Variants in GPR19 observed in about 807,000 individuals in gnomAD.
The protein encoded by GPR19 is G protein-coupled receptor 19.
A neutral mutation model predicts 28.5 loss-of-function variants in GPR19; 14 were observed. That is an observed-to-expected ratio of 0.49 (90% CI 0.32 to 0.77). The LOEUF (loss-of-function observed/expected upper bound fraction) is 0.77, where lower values mean the gene tolerates loss of function less well. GPR19 is among the 30% of genes least tolerant of loss of function. The pLI is 0.03. For synonymous variants in GPR19, 173 were observed against 184.1 expected, an observed-to-expected ratio of 0.94 and a Z score of 0.49; for missense variants, 409 against 504.1, an observed-to-expected ratio of 0.81 and a Z score of 1.81.
intron 1 of GPR19, 94 bp downstream of exon 1, chr12:12,695,971 C>A (rs1230713710): frequency 1.3e-5 from 2 of 152,256 alleles, no homozygotes; most frequent in Non-Finnish European, 2.9e-5. Context: ...TTAATCGGCT[C>A]TCCCGCTCCC....
intron 2 of GPR19, chr12:12,689,016 G>A (rs1422531389): frequency 6.6e-6 from 1 of 152,194 alleles, no homozygotes; most frequent in African/African-American, 2.4e-5. Context: ...GGCTGTACAG[G>A]AGGCATGGTG....
At chr12:12,703,533 A>G in the GPR19 span, 545 of 432,374 alleles carry the variant, frequency 1.3e-3, 1 homozygote, top group Non-Finnish European at 1.6e-3. Flanking sequence ...TCGCTCTAGC[A>G]CATAGTGATT....
At chr12:12,689,405 T>C (rs1946149798) in intron 2 of GPR19, among the ~76,000 whole-genome samples, 1 of 152,172 alleles carries the variant, frequency 6.6e-6, no homozygotes, top group Admixed American at 6.5e-5. Context: ...CTCTCATCAG[T>C]GCCACAAGGA....
At chr12:12,683,735 C>A (rs948141564) in intron 3 of GPR19, among the ~76,000 whole-genome samples, 4 of 152,238 alleles carry the variant, frequency 2.6e-5, no homozygotes, top group Non-Finnish European at 4.4e-5. Context: ...TTTGAGTTCA[C>A]GGCTGATTAT....
At chr12:12,717,139 G>A in the GPR19 span, 7 of 1,027,230 alleles carry the variant, frequency 6.8e-6, no homozygotes, top group East Asian at 4.4e-4. Context: ...TTTCTCCGAG[G>A]CCAGCCAGAG....
At chr12:12,672,442 C>G (rs762304788) in intron 3 of GPR19, among the ~76,000 whole-genome samples, 2 of 151,966 alleles carry the variant, frequency 1.3e-5, no homozygotes, top group Non-Finnish European at 2.9e-5. Flanking sequence ...GTAAAAAAAA[C>G]AAGTGCAAAA....
At chr12:12,686,841 A>C (rs1161027185) in intron 2 of GPR19, among the ~76,000 whole-genome samples, 1 of 152,246 alleles carries the variant, frequency 6.6e-6, no homozygotes, top group Non-Finnish European at 1.5e-5. Flanking sequence ...GACAAAAAAA[A>C]TGACCAACAT....
chr12:12,716,930 C>T, the GPR19 span: 2 of 985,050 alleles, frequency 2.0e-6, no homozygotes, highest in East Asian at 1.1e-4. Context: ...CTGGGGGCAG[C>T]TCGCCACCCC....
In GPR19 at chr12:12,684,250, C is replaced by G. The variant is rs143024199; in HGVS notation, c.-23+101G>C. The G allele has an allele frequency of 3.3e-5, 5 of 152,308 alleles. No homozygotes were observed. In the East Asian group the frequency reaches 9.6e-4, roughly 29 times the overall value. 9.4% of individuals were successfully genotyped at this position (152,308 alleles called of 1,614,324 possible). A position where few individuals can be genotyped will look rare whatever the true frequency, so the allele number is the denominator to read the frequency against. On this transcript the variant is annotated intron_variant, in intron 3 of 3. Transcript: ENST00000651487. Reference sequence around the variant, plus strand: ...CAAACCTAAAGCCTCTAACCAGCATCTAAGGCAGGACAAAATCTCCAAATT... The same window carrying G: ...CAAACCTAAAGCCTCTAACCAGCATGTAAGGCAGGACAAAATCTCCAAATT...
At chr12:12,667,907 G>T (rs550288429) in intron 3 of GPR19, among the ~76,000 whole-genome samples, 25 of 152,184 alleles carry the variant, frequency 1.6e-4, no homozygotes, top group African/African-American at 5.8e-4. Flanking sequence ...AAGGTTTAAT[G>T]AATATATGAA....
the GPR19 span, chr12:12,717,170 C>T: frequency 9.6e-7 from 1 of 1,036,384 alleles, no homozygotes. Flanking sequence ...GGCAGCAGTA[C>T]CCCTCCAGCA....
the GPR19 span, among the ~76,000 whole-genome samples, chr12:12,714,046 T>C: frequency 6.6e-6 from 1 of 152,270 alleles, no homozygotes; most frequent in Non-Finnish European, 1.5e-5. Context: ...GTTTGTTTAC[T>C]TCTGTGTTCC....
intron 3 of GPR19, among the ~76,000 whole-genome samples, chr12:12,681,250 C>T (rs915104093): frequency 2.0e-5 from 3 of 152,186 alleles, no homozygotes; most frequent in Non-Finnish European, 4.4e-5. Context: ...CTGATCATTC[C>T]CCTGGCAGGC....
At chr12:12,690,277 A>G (rs747954691) in intron 2 of GPR19, among the ~76,000 whole-genome samples, 1 of 152,202 alleles carries the variant, frequency 6.6e-6, no homozygotes, top group Non-Finnish European at 1.5e-5. Flanking sequence ...TTTGCTATAT[A>G]TGTGTATTCC....
At chr12:12,673,727 G>A (rs1270713445) in intron 3 of GPR19, among the ~76,000 whole-genome samples, 1 of 152,142 alleles carries the variant, frequency 6.6e-6, no homozygotes, top group African/African-American at 2.4e-5. Flanking sequence ...CAAAGAAAAT[G>A]ATACCTGATA....
chr12:12,680,104 T>TA (rs1195115743), intron 3 of GPR19, among the ~76,000 whole-genome samples: 2 of 152,256 alleles, frequency 1.3e-5, no homozygotes, highest in African/African-American at 4.8e-5. Flanking sequence ...ATTATCCTTT[T>TA]ATACTGCTTT....
At chr12:12,664,104 C>G (rs60745038) in intron 3 of GPR19, among the ~76,000 whole-genome samples, 1 of 152,248 alleles carries the variant, frequency 6.6e-6, no homozygotes, top group East Asian at 1.9e-4. Flanking sequence ...ATTCTTGTGT[C>G]TCAGCCTCTC....
At chr12:12,688,330 T>C (rs1946124384) in intron 2 of GPR19, among the ~76,000 whole-genome samples, 1 of 151,990 alleles carries the variant, frequency 6.6e-6, no homozygotes, top group Non-Finnish European at 1.5e-5. Flanking sequence ...TAATCAAATC[T>C]GTACATATAA....
chr12:12,682,561 G>T (rs1946037590), intron 3 of GPR19, among the ~76,000 whole-genome samples: 1 of 152,154 alleles, frequency 6.6e-6, no homozygotes, highest in South Asian at 2.1e-4. Context: ...CCCTCAAGAA[G>T]CTCACTTCAT....
Sources: allele counts gnomAD v4.1 joint callset (sites outside exome capture counted in the v4.1 genomes callset), GRCh38; gene constraint gnomAD v4.1.1; transcripts MANE v1.5; gene names NCBI Gene and HGNC (gene_info 2026-07-23, HGNC 2026-07-21).